The following GATAD2B variants were observed in gnomAD, a reference collection of about 807,000 sequenced individuals.
GATAD2B encodes GATA zinc finger domain containing 2B, also known as transcriptional repressor p66-beta.
Under a neutral mutation model 64.3 loss-of-function variants are expected in GATAD2B, and 8 were observed. The ratio of observed to expected loss-of-function variants is 0.12; its 90% CI spans 0.07 to 0.22. The LOEUF (loss-of-function observed/expected upper bound fraction) is 0.22. GATAD2B is among the 10% of genes least tolerant of loss of function. GATAD2B has a pLI of 1.00. For missense variants in GATAD2B, 453 were observed against 752.0 expected (o/e 0.60, Z 4.65); for synonymous variants, 281 against 271.3 (o/e 1.04, Z -0.35).
At chr1:153,898,283 G>C (rs941899531) in intron 1 of GATAD2B, among the ~76,000 whole-genome samples, 5 of 137,084 alleles carry the variant, frequency 3.6e-5, no homozygotes, top group African/African-American at 1.1e-4. Flanking sequence ...TTTCGGCCTG[G>C]GCAACAGAGT....
At chr1:153,827,967 T>C in intron 2 of GATAD2B, 46 bp downstream of exon 2, 1 of 1,409,522 alleles carries the variant, frequency 7.1e-7, no homozygotes, top group Non-Finnish European at 1.0e-6. Flanking sequence ...TTTCACAGGC[T>C]TTATGAGACG....
chr1:153,814,319 A>T (rs556350289), intron 7 of GATAD2B, among the ~76,000 whole-genome samples: 1 of 152,332 alleles, frequency 6.6e-6, no homozygotes, highest in African/African-American at 2.4e-5. Context: ...TCTAGACTGT[A>T]TGTTGTTAAT....
intron 1 of GATAD2B, among the ~76,000 whole-genome samples, chr1:153,887,875 A>G (rs1368995113): frequency 6.6e-6 from 1 of 151,942 alleles, no homozygotes; most frequent in East Asian, 1.9e-4. Flanking sequence ...TCACTTGAGG[A>G]CAGGAGTTGG....
chr1:153,810,519 G>C (rs573282238), intron 10 of GATAD2B, among the ~76,000 whole-genome samples: 1 of 152,064 alleles, frequency 6.6e-6, no homozygotes, highest in Non-Finnish European at 1.5e-5. Context: ...GGAGTGCAGT[G>C]GTGTGATCTC....
intron 1 of GATAD2B, among the ~76,000 whole-genome samples, chr1:153,846,057 T>G (rs1038806306): frequency 1.3e-5 from 2 of 152,116 alleles, no homozygotes; most frequent in African/African-American, 4.8e-5. Context: ...CAACATTTTT[T>G]TCGTTGTTAA....
At chr1:153,880,428 C>T (rs1254580035) in intron 1 of GATAD2B, among the ~76,000 whole-genome samples, 1 of 152,066 alleles carries the variant, frequency 6.6e-6, no homozygotes, top group African/African-American at 2.4e-5. Flanking sequence ...GATCACACCA[C>T]TGCACTCCAG....
intron 1 of GATAD2B, chr1:153,852,472 T>C (rs1675934158): frequency 9.2e-6 from 7 of 758,160 alleles, no homozygotes; most frequent in Non-Finnish European, 1.5e-5. Context: ...TTGCAGGCAA[T>C]AGCAAGAGTA....
At chr1:153,880,181 G>A (rs919363861) in intron 1 of GATAD2B, among the ~76,000 whole-genome samples, 3 of 151,058 alleles carry the variant, frequency 2.0e-5, no homozygotes, top group African/African-American at 4.9e-5. Context: ...AGAAACAGTC[G>A]GCCAAGCGCA....
rs71093290 is a variant in GATAD2B, at chr1:153,828,455, TAC to T, written c.-1-109_-1-108del. ...TTAACAAGAATCTCTCTCTCACACATACACACACACACACACACACACACACA... is the reference window on the plus strand; with the variant it reads ...TTAACAAGAATCTCTCTCTCACACATACACACACACACACACACACACACA... On this transcript the variant is annotated intron_variant, in intron 1 of 10. Transcript: ENST00000368655. 23,355 of 579,050 alleles carry T rather than the reference TAC, an allele frequency of 0.04. 181 individuals carry two copies. Among genetic ancestry groups the T allele is most frequent in the East Asian group, 0.15 (5,127 of 33,740 alleles). 35.9% of individuals were successfully genotyped at this position (579,050 alleles called of 1,614,324 possible).
chr1:153,922,056 G>A (rs1571016116), intron 1 of GATAD2B: 1 of 152,300 alleles, frequency 6.6e-6, no homozygotes, highest in East Asian at 1.9e-4. Context: ...TAGAAGCTAA[G>A]TGCCCACATA....
chr1:153,853,830 C>G (rs1482950988), intron 1 of GATAD2B, among the ~76,000 whole-genome samples: 3 of 152,108 alleles, frequency 2.0e-5, no homozygotes, highest in Non-Finnish European at 4.4e-5. Context: ...CCACTTTTCC[C>G]AACAACATTT....
chr1:153,852,320 C>T (rs2101911620), intron 1 of GATAD2B: 1 of 991,578 alleles, frequency 1.0e-6, no homozygotes, highest in Admixed American at 1.7e-5. Context: ...GACACTTCCT[C>T]AAAGGAGGCA....
intron 1 of GATAD2B, among the ~76,000 whole-genome samples, chr1:153,918,625 C>T (rs533916928): frequency 6.6e-6 from 1 of 152,280 alleles, no homozygotes; most frequent in Admixed American, 6.5e-5. Context: ...CGACTCTCAG[C>T]TTTAGGTAAC....
intron 1 of GATAD2B, among the ~76,000 whole-genome samples, chr1:153,864,738 T>C (rs949106065): frequency 3.9e-5 from 6 of 152,188 alleles, no homozygotes; most frequent in Non-Finnish European, 7.3e-5. Context: ...AAGTCCATAT[T>C]ATACCCATTC....
At chr1:153,900,800 GA>G (rs1412637823) in intron 1 of GATAD2B, among the ~76,000 whole-genome samples, 1 of 151,536 alleles carries the variant, frequency 6.6e-6, no homozygotes, top group Admixed American at 6.6e-5. Context: ...AAGACAATAT[GA>G]AAAAAAATGA....
intron 1 of GATAD2B, among the ~76,000 whole-genome samples, chr1:153,869,291 C>CAAA (rs58795446): frequency 6.9e-6 from 1 of 144,086 alleles, no homozygotes; most frequent in Non-Finnish European, 1.5e-5. Flanking sequence ...GACTATATCT[C>CAAA]AAAAAAAAAA....
At chr1:153,811,972 TGG>T in intron 9 of GATAD2B, 48 bp downstream of exon 9, 1 of 1,328,030 alleles carries the variant, frequency 7.5e-7, no homozygotes, top group East Asian at 2.3e-5. Context: ...TTGTGATAAA[TGG>T]CTGATAAATC....
chr1:153,888,842 C>T (rs1490894186), intron 1 of GATAD2B, among the ~76,000 whole-genome samples: 1 of 152,150 alleles, frequency 6.6e-6, no homozygotes, highest in African/African-American at 2.4e-5. Context: ...AGACATTTTA[C>T]TCTACATTAA....
chr1:153,910,997 A>C (rs1237958793), intron 1 of GATAD2B, among the ~76,000 whole-genome samples: 4 of 152,192 alleles, frequency 2.6e-5, no homozygotes, highest in Admixed American at 2.0e-4. Flanking sequence ...TGTTCCCTAC[A>C]GGTGAGAAGG....
Sources: allele counts gnomAD v4.1 joint callset (sites outside exome capture counted in the v4.1 genomes callset), GRCh38; gene constraint gnomAD v4.1.1; transcripts MANE v1.5; gene names NCBI Gene and HGNC (gene_info 2026-07-23, HGNC 2026-07-21).